UGGT2: variants seen among roughly 807,000 people sequenced by gnomAD.
UGGT2 encodes UDP-glucose:glycoprotein glucosyltransferase 2.
A neutral mutation model predicts 192.1 loss-of-function variants in UGGT2; 180 were observed. That is an observed-to-expected ratio of 0.94 (90% CI 0.83 to 1.06). The LOEUF (loss-of-function observed/expected upper bound fraction) is 1.06. UGGT2 is among the 50% of genes least tolerant of loss of function. The pLI, the probability that UGGT2 is intolerant of heterozygous loss-of-function variation, is 0.00. For missense variants in UGGT2, 1,849 were observed against 1,795.7 expected (o/e 1.03, Z -0.54); for synonymous variants, 580 against 591.0 (o/e 0.98, Z 0.27).
At chr13:95,903,439 A>G (rs1036025532) in intron 20 of UGGT2, among the ~76,000 whole-genome samples, 3 of 152,182 alleles carry the variant, frequency 2.0e-5, no homozygotes, top group African/African-American at 7.2e-5. Flanking sequence ...ATCTCTGTCA[A>G]TTACCACACC....
intron 17 of UGGT2, 66 bp from the exon 18 acceptor site, chr13:95,927,402 A>C: frequency 7.4e-7 from 1 of 1,359,372 alleles, no homozygotes; most frequent in Non-Finnish European, 1.0e-6. Context: ...AAAAGTATGC[A>C]GATAACACAA....
At chr13:95,895,367 T>C (rs1278521622) in intron 22 of UGGT2, 63 bp from the exon 23 acceptor site, 1 of 1,035,188 alleles carries the variant, frequency 9.7e-7, no homozygotes, top group African/African-American at 1.7e-5. Flanking sequence ...AGGAAAAACA[T>C]TTCCTCATCA....
chr13:96,036,016 G>C (rs2052990414), intron 1 of UGGT2, among the ~76,000 whole-genome samples: 1 of 152,188 alleles, frequency 6.6e-6, no homozygotes, highest in African/African-American at 2.4e-5. Context: ...CAAAGATCTA[G>C]AGGCAGAAAT....
intron 26 of UGGT2, among the ~76,000 whole-genome samples, chr13:95,885,993 A>G (rs1027781074): frequency 1.3e-5 from 2 of 152,136 alleles, no homozygotes; most frequent in Non-Finnish European, 2.9e-5. Context: ...AGCAACTTTT[A>G]AAAAAATTGA....
chr13:95,990,702 T>C (rs1236783770), intron 7 of UGGT2: 1 of 152,182 alleles, frequency 6.6e-6, no homozygotes, highest in East Asian at 1.9e-4. Flanking sequence ...AAAAAGTTAC[T>C]ATCAGCACAA....
At chr13:95,961,379 T>G (rs373678027) in intron 12 of UGGT2, among the ~76,000 whole-genome samples, 1 of 152,044 alleles carries the variant, frequency 6.6e-6, no homozygotes, top group African/African-American at 2.4e-5. Context: ...TGTAAAGAGA[T>G]ATATAAACTG....
chr13:95,867,277 A>C, intron 30 of UGGT2, 62 bp downstream of exon 30: 1 of 1,353,312 alleles, frequency 7.4e-7, no homozygotes, highest in African/African-American at 1.5e-5. Context: ...TTAATTAAAA[A>C]ACAAAGAAGA....
intron 20 of UGGT2, among the ~76,000 whole-genome samples, chr13:95,920,532 C>CA (rs1457831483): frequency 6.6e-6 from 1 of 151,992 alleles, no homozygotes; most frequent in Non-Finnish European, 1.5e-5. Flanking sequence ...GGACAAAGTA[C>CA]ATAAACAGAC....
rs186513867 is a variant in UGGT2, at chr13:95,870,774, A to T, written c.3474-3351T>A. Reference sequence around the variant, plus strand: ...CGATTTGAATGTCCCTCCCCTCCAAAACTCATGTTGAAATTGTATTGCCAT... The same window carrying T: ...CGATTTGAATGTCCCTCCCCTCCAATACTCATGTTGAAATTGTATTGCCAT... On this transcript the variant is annotated intron_variant, in intron 29 of 38. Transcript: ENST00000376747. Among the ~76,000 whole-genome samples the T allele has an allele frequency of 2.0e-5, 3 of 152,286 alleles. No individual in the cohort carries two copies. In the East Asian group the frequency reaches 5.8e-4, roughly 29 times the overall value.
intron 24 of UGGT2, among the ~76,000 whole-genome samples, chr13:95,892,629 G>A (rs1382668307): frequency 6.6e-6 from 1 of 152,122 alleles, no homozygotes; most frequent in African/African-American, 2.4e-5. Context: ...TTATGATACT[G>A]TTAACCTATC....
chr13:95,802,674 G>A (rs1257918682), intron 38 of UGGT2, among the ~76,000 whole-genome samples: 1 of 152,154 alleles, frequency 6.6e-6, no homozygotes, highest in Non-Finnish European at 1.5e-5. Context: ...TATAACAAAC[G>A]CCAGTGGACA....
chr13:95,935,716 A>G (rs574580986), intron 17 of UGGT2, among the ~76,000 whole-genome samples: 1 of 152,348 alleles, frequency 6.6e-6, no homozygotes, highest in Admixed American at 6.5e-5. Flanking sequence ...TATTCCCTCA[A>G]ATATGTTTTC....
chr13:95,984,406 G>A (rs905834719), intron 9 of UGGT2, among the ~76,000 whole-genome samples: 1 of 152,092 alleles, frequency 6.6e-6, no homozygotes, highest in Admixed American at 6.5e-5. Flanking sequence ...ACAACTCACT[G>A]TAGTCTCGGG....
intron 27 of UGGT2, among the ~76,000 whole-genome samples, chr13:95,882,050 A>T (rs1287199152): frequency 6.6e-6 from 1 of 152,042 alleles, no homozygotes; most frequent in Non-Finnish European, 1.5e-5. Flanking sequence ...CTGGTATTAC[A>T]GGCACGTGTC....
chr13:95,880,138 G>A (rs898667392), intron 27 of UGGT2, among the ~76,000 whole-genome samples: 1 of 152,088 alleles, frequency 6.6e-6, no homozygotes, highest in African/African-American at 2.4e-5. Flanking sequence ...TAATTGTACT[G>A]TTCTTCTGTG....
intron 26 of UGGT2, among the ~76,000 whole-genome samples, chr13:95,886,264 T>C (rs757561843): frequency 3.3e-5 from 5 of 152,182 alleles, no homozygotes; most frequent in Non-Finnish European, 7.3e-5. Context: ...ATAAATTTAC[T>C]AAAAGGAAAG....
intron 12 of UGGT2, among the ~76,000 whole-genome samples, chr13:95,954,204 T>C (rs543938309): frequency 6.6e-6 from 1 of 152,324 alleles, no homozygotes; most frequent in East Asian, 1.9e-4. Flanking sequence ...GAAACATAAA[T>C]AACTTTCATG....
At chr13:95,940,899 G>A (rs925222467) in intron 15 of UGGT2, among the ~76,000 whole-genome samples, 15 of 152,076 alleles carry the variant, frequency 9.9e-5, no homozygotes, top group Non-Finnish European at 1.6e-4. Flanking sequence ...GGCCTTACTA[G>A]TAAGTATTTT....
intron 36 of UGGT2, among the ~76,000 whole-genome samples, chr13:95,846,100 C>G (rs1392173629): frequency 6.6e-6 from 1 of 152,116 alleles, no homozygotes; most frequent in Non-Finnish European, 1.5e-5. Context: ...TTGTAGGGAG[C>G]CGAGATCACG....
Sources: allele counts gnomAD v4.1 joint callset (sites outside exome capture counted in the v4.1 genomes callset), GRCh38; gene constraint gnomAD v4.1.1; transcripts MANE v1.5; gene names NCBI Gene and HGNC (gene_info 2026-07-23, HGNC 2026-07-21).